The following GTF2H4 variants were observed in gnomAD, a reference collection of about 807,000 sequenced individuals.
GTF2H4 encodes the protein general transcription factor IIH subunit 4, also known as BTF2 p52.
GTF2H4 carries 49 observed loss-of-function variants against 62.2 expected under a neutral mutation model. The observed-to-expected ratio is 0.79, with a 90% confidence interval of 0.63 to 1.00. The LOEUF is 1.00. GTF2H4 is among the 50% of genes least tolerant of loss of function. The pLI is 0.00. For synonymous variants in GTF2H4, 189 were observed against 233.8 expected, an observed-to-expected ratio of 0.81 and a Z score of 1.75; for missense variants, 479 against 587.8, an observed-to-expected ratio of 0.81 and a Z score of 1.91.
chr6:30,913,574 G>A lies in GTF2H4; in HGVS notation c.1216+187G>A, dbSNP rs1793911199. Among the ~76,000 whole-genome samples, 1 of 152,252 alleles carries A rather than the reference G, an allele frequency of 6.6e-6. No homozygotes were observed. Among genetic ancestry groups the A allele is most frequent in the South Asian group, 2.1e-4 (1 of 4,830 alleles). On this transcript the variant is annotated intron_variant, in intron 13 of 13. Coordinates refer to ENST00000259895, the MANE Select transcript of GTF2H4 (RefSeq NM_001517.5). The surrounding 1 kb of genome is among the most constrained non-coding windows in gnomAD (Gnocchi z 4.2). ...CAATGCACTTTGGATTTGGCTAGGT[G>A]AGGGAATAATTCACAGTAATTTGTA...
rs1219035382 is a variant in GTF2H4, at chr6:30,913,302, C to T, written c.1138-7C>T. On this transcript the variant is annotated splice_polypyrimidine_tract_variant and splice_region_variant and intron_variant, in intron 12 of 13. Coordinates refer to ENST00000259895, the MANE Select transcript of GTF2H4 (RefSeq NM_001517.5). The surrounding 1 kb of genome is among the most constrained non-coding windows in gnomAD (Gnocchi z 4.2). ...GAGTCCCTACAGTCAACCCTTGCTC[C>T]TTGCAGACACCTGTGCTGCCCCCCA... The T allele has an allele frequency of 1.9e-6, 3 of 1,613,910 alleles. No individual in the cohort carries two copies. Among genetic ancestry groups the T allele is most frequent in the South Asian group, 1.1e-5 (1 of 91,076 alleles).
At position 30,911,026 on chromosome 6, in the gene GTF2H4, A is replaced by G. The variant is rs1371904916; in HGVS notation, c.560+85A>G. The G allele has an allele frequency of 6.6e-6, 9 of 1,356,196 alleles. No individual in the cohort carries two copies. Among genetic ancestry groups the G allele is most frequent in the Non-Finnish European group, 9.3e-6 (9 of 965,008 alleles). The allele number at this position is 1,356,196 out of a possible 1,614,324, so 84.0% of individuals were successfully genotyped here. ...ATGGTATCTGGGGCTAGTCAAGATC[A>G]GAGGACATTAGCTGGAAAAGGCAAG... On this transcript the variant is annotated intron_variant, in intron 6 of 13. Transcript: ENST00000259895. The surrounding 1 kb of genome is among the most constrained non-coding windows in gnomAD (Gnocchi z 4.3).
Position 30,913,996 on chromosome 6 carries a change from TG to T in GTF2H4, c.*15del. 3 of 1,560,924 alleles carry T rather than the reference TG, an allele frequency of 1.9e-6. No individual in the cohort carries two copies. The South Asian group carries it at 3.5e-5, about 18-fold the overall frequency. On this transcript the variant is annotated 3_prime_UTR_variant, in exon 14 of 14. Transcript: ENST00000259895. The surrounding 1 kb of genome is among the most constrained non-coding windows in gnomAD (Gnocchi z 4.2). ...ACATAGCTCCTGAGAGCGCGGGACT[TG>T]GACACGGACCTCGGCGGGCGGGACT...
chr6:30,910,077 C>G lies in GTF2H4; in HGVS notation c.374+14C>G, dbSNP rs766026566. On this transcript the variant is annotated intron_variant, in intron 4 of 13. Coordinates refer to ENST00000259895, the MANE Select transcript of GTF2H4 (RefSeq NM_001517.5). The surrounding 1 kb of genome is among the most constrained non-coding windows in gnomAD (Gnocchi z 4.7). ...CCTTCTGGGTGGGTATGTCACTTCTCTCTCTTCCTAAGCTAGGGCAGGGGA... is the reference window on the plus strand; with the variant it reads ...CCTTCTGGGTGGGTATGTCACTTCTGTCTCTTCCTAAGCTAGGGCAGGGGA... 3.1e-6 allele frequency: 5 copies of G among 1,611,264 alleles called. No individual in the cohort carries two copies. The highest frequency in any genetic ancestry group is 1.7e-5 in the Admixed American group (1 of 59,446).
Position 30,911,371 on chromosome 6 carries a change from C to CT in GTF2H4, c.673-57dup. Reference sequence around the variant, plus strand: ...TTCCCTGATTTTCTCTTCTCTGTCCCTTTCTTCCCATTGTCTCCCTCCCAT... The same window carrying CT: ...TTCCCTGATTTTCTCTTCTCTGTCCCTTTTCTTCCCATTGTCTCCCTCCCAT... On this transcript the variant is annotated intron_variant, in intron 7 of 13. Transcript: ENST00000259895. This position sits in a 1 kb window ranked among gnomAD's most constrained non-coding sequence, Gnocchi z 4.3. 1 of 1,553,084 alleles carries CT rather than the reference C, an allele frequency of 6.4e-7. No individual in the cohort carries two copies. The highest frequency in any genetic ancestry group is 1.1e-5 in the South Asian group (1 of 89,900).
chr6:30,909,197 G>A lies in GTF2H4; in HGVS notation c.137+24G>A. 3.7e-6 allele frequency: 6 copies of A among 1,607,192 alleles called. No individual in the cohort carries two copies. The highest frequency in any genetic ancestry group is 3.4e-6 in the Non-Finnish European group (4 of 1,176,070). ...AGGTGAGAAGCCCCTTCATGGCAGG[G>A]AAATGTAATGGGGTCTGCGGAGTGG... On this transcript the variant is annotated intron_variant, in intron 2 of 13. Transcript: ENST00000259895. The surrounding 1 kb of genome is among the most constrained non-coding windows in gnomAD (Gnocchi z 4.3).
Position 30,913,892 on chromosome 6 carries a change from T to G in GTF2H4, c.1298T>G (p.Phe433Cys), listed in dbSNP as rs750824530. 8 of 1,609,956 alleles carry G rather than the reference T, an allele frequency of 5.0e-6. No individual in the cohort carries two copies. In the East Asian group the frequency reaches 1.8e-4, roughly 36 times the overall value. Reference protein sequence around the residue: ...AHARELGVLVFENSAKRLMVV... With the variant: ...AHARELGVLVCENSAKRLMVV... ...GCGCGGGAGCTGGGCGTGCTCGTGTTCGAGAACTCGGCCAAGCGGCTCATG... is the reference window on the plus strand; with the variant it reads ...GCGCGGGAGCTGGGCGTGCTCGTGTGCGAGAACTCGGCCAAGCGGCTCATG... Residue 433 changes from phenylalanine (F) to cysteine (C), a missense_variant, in exon 14 of 14, where the codon TTC becomes TGC. By Grantham distance (205) the Phe-to-Cys change is radical (BLOSUM62 -2). Coordinates refer to ENST00000259895, the MANE Select transcript of GTF2H4 (RefSeq NM_001517.5). This position sits in a 1 kb window ranked among gnomAD's most constrained non-coding sequence, Gnocchi z 4.2.
chr6:30,911,463 C>A lies in GTF2H4; in HGVS notation c.705C>A (p.Ser235=). 1 of 1,614,104 alleles carries A rather than the reference C, an allele frequency of 6.2e-7. No individual in the cohort carries two copies. The highest frequency in any genetic ancestry group is 8.5e-7 in the Non-Finnish European group (1 of 1,179,944). Residue 235 remains serine (S), a synonymous_variant, in exon 8 of 14, where the codon TCC becomes TCA. Transcript: ENST00000259895. The surrounding 1 kb of genome is among the most constrained non-coding windows in gnomAD (Gnocchi z 4.3). ...SRGMDLVEIL[S]FLFQLSFSTL... ...GCATGGACCTGGTAGAGATTCTCTC[C>A]TTCCTCTTCCAGCTCAGCTTCTCTA...
chr6:30,913,751 G>A lies in GTF2H4; in HGVS notation c.1217-60G>A. 2 of 1,440,230 alleles carry A rather than the reference G, an allele frequency of 1.4e-6. No homozygotes were observed. Among genetic ancestry groups the A allele is most frequent in the Non-Finnish European group, 1.9e-6 (2 of 1,079,608 alleles). The allele number at this position is 1,440,230 out of a possible 1,614,324, so 89.2% of individuals were successfully genotyped here. ...AAGGAGCTGGGGGGATTCCCAATAG[G>A]AGCTCCGAGCTTCACTTTCTCGTCT... On this transcript the variant is annotated intron_variant, in intron 13 of 13. Transcript: ENST00000259895. The surrounding 1 kb of genome is among the most constrained non-coding windows in gnomAD (Gnocchi z 4.2).
Position 30,910,516 on chromosome 6 carries a change from A to C in GTF2H4, c.375-149A>C, listed in dbSNP as rs1793716353. The C allele has an allele frequency of 1.4e-6, 1 of 695,014 alleles. No homozygotes were observed. The highest frequency in any genetic ancestry group is 2.1e-5 in the Admixed American group (1 of 48,072). 43.1% of individuals were successfully genotyped at this position (695,014 alleles called of 1,614,324 possible). A position where few individuals can be genotyped will look rare whatever the true frequency, so the allele number is the denominator to read the frequency against. The stretch of plus-strand genomic sequence containing the variant: ...GGCTAATTTTTTGTATTTTTAGTAG[A>C]GATGGGGTTTCGCCATGTTGGCCAG... On this transcript the variant is annotated intron_variant, in intron 4 of 13. Transcript: ENST00000259895. This position sits in a 1 kb window ranked among gnomAD's most constrained non-coding sequence, Gnocchi z 4.7.
chr6:30,912,946 G>C lies in GTF2H4; in HGVS notation c.1090-164G>C, dbSNP rs778518949. On this transcript the variant is annotated intron_variant, in intron 11 of 13. Coordinates refer to ENST00000259895, the MANE Select transcript of GTF2H4 (RefSeq NM_001517.5). This position sits in a 1 kb window ranked among gnomAD's most constrained non-coding sequence, Gnocchi z 4.8. ...GAAAAGGAATATCCCACGTTGCTGGGAGCAGCAACGTGGGATAACAGCTGA... is the reference window on the plus strand; with the variant it reads ...GAAAAGGAATATCCCACGTTGCTGGCAGCAGCAACGTGGGATAACAGCTGA... Among the ~76,000 whole-genome samples the C allele has an allele frequency of 6.6e-6, 1 of 152,166 alleles. No homozygotes were observed. The highest frequency in any genetic ancestry group is 1.5e-5 in the Non-Finnish European group (1 of 68,032).
chr6:30,913,174 A>G lies in GTF2H4; in HGVS notation c.1137+17A>G. ...CTCAAACAGGTATAGACAGGCTCCA[A>G]GATGTCAGAGGCTGGCAGCTGGTGA... On this transcript the variant is annotated intron_variant, in intron 12 of 13. Coordinates refer to ENST00000259895, the MANE Select transcript of GTF2H4 (RefSeq NM_001517.5). This position sits in a 1 kb window ranked among gnomAD's most constrained non-coding sequence, Gnocchi z 4.2. 1 of 1,614,028 alleles carries G rather than the reference A, an allele frequency of 6.2e-7. No individual in the cohort carries two copies. Among genetic ancestry groups the G allele is most frequent in the Non-Finnish European group, 8.5e-7 (1 of 1,179,896 alleles).
chr6:30,910,624 C>A lies in GTF2H4; in HGVS notation c.375-41C>A. 1 of 1,462,496 alleles carries A rather than the reference C, an allele frequency of 6.8e-7. No individual in the cohort carries two copies. Among genetic ancestry groups the A allele is most frequent in the Non-Finnish European group, 9.6e-7 (1 of 1,043,660 alleles). The allele number at this position is 1,462,496 out of a possible 1,614,324, so 90.6% of individuals were successfully genotyped here. A position where few individuals can be genotyped will look rare whatever the true frequency, so the allele number is the denominator to read the frequency against. On this transcript the variant is annotated intron_variant, in intron 4 of 13. Transcript: ENST00000259895. This position sits in a 1 kb window ranked among gnomAD's most constrained non-coding sequence, Gnocchi z 4.7. ...GGGATTACAGGTGTGAGCCACTGCG[C>A]CTGGCCAGGGTTCCTTACTCTTGGC... is the stretch of plus-strand genomic sequence containing the variant.
rs1229694135 is a variant in GTF2H4 at position 30,912,426 on chromosome 6, C to T, written c.1057C>T (p.Gln353Ter). 3 of 1,612,728 alleles carry T rather than the reference C, an allele frequency of 1.9e-6. No homozygotes were observed. The highest frequency in any genetic ancestry group is 2.5e-6 in the Non-Finnish European group (3 of 1,180,040). ...VAQVTRESVQ[Q>*]AIASGITAQQ... ...GCAGGTGACCCGGGAGAGTGTGCAG[C>T]AGGCAATCGCCAGTGGCATCACAGC... The change falls in exon 11 of 14, where the codon CAG (glutamine) becomes TAG (stop). Residue 353 changes from glutamine (Q) to a stop codon, truncating the protein, a stop_gained. Coordinates refer to ENST00000259895, the MANE Select transcript of GTF2H4 (RefSeq NM_001517.5). LOFTEE classifies it high-confidence loss of function. This position sits in a 1 kb window ranked among gnomAD's most constrained non-coding sequence, Gnocchi z 4.8.
rs1562439209 is a variant in GTF2H4, at chr6:30,912,095, C to T, written c.907C>T (p.Gln303Ter). The T allele has an allele frequency of 6.2e-7, 1 of 1,612,990 alleles. No individual in the cohort carries two copies. Among genetic ancestry groups the T allele is most frequent in the Non-Finnish European group, 8.5e-7 (1 of 1,180,008 alleles). The part of the protein sequence containing the change: ...GVSGAGGTVH[Q>*]PGFIVVETNY... ...CTCTGGAGCTGGGGGCACTGTGCATCAGCCAGGTTTCATTGTCGTGGAAAC... is the reference window on the plus strand; with the variant it reads ...CTCTGGAGCTGGGGGCACTGTGCATTAGCCAGGTTTCATTGTCGTGGAAAC... The change falls in exon 10 of 14, where the codon CAG becomes TAG. Residue 303 changes from glutamine (Q) to a stop codon, truncating the protein, a stop_gained. Transcript: ENST00000259895. LOFTEE classifies it high-confidence loss of function. This position sits in a 1 kb window ranked among gnomAD's most constrained non-coding sequence, Gnocchi z 4.8.
In GTF2H4 at chr6:30,913,976, G is replaced by A; in HGVS notation, c.1382G>A (p.Ser461Asn). 6.3e-7 allele frequency: 1 copy of A among 1,592,478 alleles called. No individual in the cohort carries two copies. Among genetic ancestry groups the A allele is most frequent in the South Asian group, 1.1e-5 (1 of 89,366 alleles). The change falls in exon 14 of 14, where the codon AGC becomes AAC. Residue 461 changes from serine (S) to asparagine (N), a missense_variant. Ser to Asn is a conservative substitution (Grantham distance 46). Transcript: ENST00000259895. This position sits in a 1 kb window ranked among gnomAD's most constrained non-coding sequence, Gnocchi z 4.2. ...VKRFWKRQKH[S>N]S ...CGCTTTTGGAAGCGGCAGAAACATA[G>A]CTCCTGAGAGCGCGGGACTTGGACA...
Position 30,910,612 on chromosome 6 carries a change from T to G in GTF2H4, c.375-53T>G. The stretch of plus-strand genomic sequence containing the variant: ...TCCCAAAGTACAGGGATTACAGGTG[T>G]GAGCCACTGCGCCTGGCCAGGGTTC... On this transcript the variant is annotated intron_variant, in intron 4 of 13. Transcript: ENST00000259895. The surrounding 1 kb of genome is among the most constrained non-coding windows in gnomAD (Gnocchi z 4.7). The G allele has an allele frequency of 3.1e-6, 4 of 1,291,912 alleles. No homozygotes were observed. Among genetic ancestry groups the G allele is most frequent in the Non-Finnish European group, 4.5e-6 (4 of 889,354 alleles). 80.0% of individuals were successfully genotyped at this position (1,291,912 alleles called of 1,614,324 possible). A position where few individuals can be genotyped will look rare whatever the true frequency, so the allele number is the denominator to read the frequency against.
chr6:30,911,789 G>A lies in GTF2H4; in HGVS notation c.825+22G>A, dbSNP rs572127147. The A allele has an allele frequency of 4.8e-5, 77 of 1,598,802 alleles. No individual in the cohort carries two copies. In the South Asian group the frequency reaches 7.6e-4, roughly 16 times the overall value. ...GAAGGTATGAGCGCCTAGATAAGTGGCTTCCAGGGAAGAAACAGGGTGGTG... is the reference window on the plus strand; with the variant it reads ...GAAGGTATGAGCGCCTAGATAAGTGACTTCCAGGGAAGAAACAGGGTGGTG... On this transcript the variant is annotated intron_variant, in intron 9 of 13. Transcript: ENST00000259895. The surrounding 1 kb of genome is among the most constrained non-coding windows in gnomAD (Gnocchi z 4.3).
At position 30,910,086 on chromosome 6, in the gene GTF2H4, T is replaced by C; in HGVS notation, c.374+23T>C. ...TGGGTATGTCACTTCTCTCTCTTCCTAAGCTAGGGCAGGGGAACTGCTGCT... is the reference window on the plus strand; with the variant it reads ...TGGGTATGTCACTTCTCTCTCTTCCCAAGCTAGGGCAGGGGAACTGCTGCT... On this transcript the variant is annotated intron_variant, in intron 4 of 13. Transcript: ENST00000259895. The surrounding 1 kb of genome is among the most constrained non-coding windows in gnomAD (Gnocchi z 4.7). The C allele has an allele frequency of 6.2e-7, 1 of 1,609,800 alleles. No individual in the cohort carries two copies. The highest frequency in any genetic ancestry group is 8.5e-7 in the Non-Finnish European group (1 of 1,178,840).
Sources: gnomAD v4.1 joint callset for allele counts (sites outside exome capture counted in the v4.1 genomes callset) on GRCh38, gnomAD v4.1.1 for gene constraint, Gnocchi (gnomAD v3.1) non-coding constraint, MANE v1.5 for transcripts, NCBI Gene and HGNC (gene_info 2026-07-23, HGNC 2026-07-21) for gene names.